RAPGEF6: variants seen among roughly 807,000 people sequenced by gnomAD.
RAPGEF6 encodes Rap guanine nucleotide exchange factor 6, also known as PDZ domain containing guanine nucleotide exchange factor (GEF) 2.
RAPGEF6 carries 56 observed loss-of-function variants against 171.4 expected under a neutral mutation model. The ratio of observed to expected loss-of-function variants is 0.33; its 90% confidence interval spans 0.26 to 0.41. The LOEUF (loss-of-function observed/expected upper bound fraction) is 0.41, where lower values mean the gene tolerates loss of function less well. Ranked by LOEUF, RAPGEF6 falls within the 10% of genes least tolerant of loss-of-function variation. The pLI is 1.00. For missense variants in RAPGEF6, 1,674 were observed against 1,921.4 expected (o/e 0.87, Z 2.41); for synonymous variants, 692 against 650.1 (o/e 1.06, Z -0.98).
At chr5:131,602,384 T>C (rs1178993298) in intron 3 of RAPGEF6, among the ~76,000 whole-genome samples, 2 of 152,168 alleles carry the variant, frequency 1.3e-5, no homozygotes, top group Non-Finnish European at 2.9e-5. Flanking sequence ...ATTTTATTCC[T>C]AGGAATATCC....
chr5:131,483,399 T>G (rs77349571), intron 15 of RAPGEF6, among the ~76,000 whole-genome samples: 1 of 149,430 alleles, frequency 6.7e-6, no homozygotes, highest in Admixed American at 6.7e-5. Flanking sequence ...GAGTATGTAA[T>G]TATAAGCAAA....
Position 131,492,705 on chromosome 5 carries a change from A to C in RAPGEF6, c.1608T>G (p.Ala536=), listed in dbSNP as rs371508339. 15 of 1,614,018 alleles carry C rather than the reference A, an allele frequency of 9.3e-6. No individual in the cohort carries two copies. In the African/African-American group the frequency reaches 1.3e-4, roughly 14 times the overall value. The change falls in exon 14 of 28, where the codon GCT becomes GCG. Residue 536 remains alanine (A), a synonymous_variant. Coordinates refer to ENST00000509018, the MANE Select transcript of RAPGEF6 (RefSeq NM_016340.6). ...AKWRQVVLQK[A]SRESPLQFSL... ...TGAATTGTAGAGGGGACTCGCGGGA[A>C]GCCTTTTGCAGCACAACCTGTCTCC... is the stretch of plus-strand genomic sequence containing the variant.
At chr5:131,604,583 G>A (rs560800804) in intron 2 of RAPGEF6, 40 bp downstream of exon 2, 1 of 1,594,328 alleles carries the variant, frequency 6.3e-7, no homozygotes, top group Admixed American at 1.7e-5. Context: ...TGAATGAATG[G>A]CTATACAGCG....
chr5:131,595,065 A>G (rs187302301), intron 3 of RAPGEF6, among the ~76,000 whole-genome samples: 1 of 152,296 alleles, frequency 6.6e-6, no homozygotes, highest in East Asian at 1.9e-4. Context: ...TGAGAAGGAC[A>G]TGAGATTTGG....
intron 7 of RAPGEF6, among the ~76,000 whole-genome samples, chr5:131,520,176 T>G (rs1284260864): frequency 2.6e-5 from 4 of 152,224 alleles, no homozygotes; most frequent in Non-Finnish European, 5.9e-5. Flanking sequence ...TATCTCAATC[T>G]GGGTAACTTT....
In RAPGEF6 at chr5:131,442,377, C is replaced by T. The variant is rs1317091645; in HGVS notation, c.3582G>A (p.Lys1194=). Residue 1194 remains lysine, a synonymous_variant, in exon 23 of 28, where the codon AAG becomes AAA. Coordinates refer to ENST00000509018, the MANE Select transcript of RAPGEF6 (RefSeq NM_016340.6). ...VPAVNLHPIR[K]KGQTKDPALN... ...GTGCAGGGTCTTTTGTTTGTCCCTT[C>T]TTCCTGATGGGGTGCAAATTAACAG... 6.2e-6 allele frequency: 10 copies of T among 1,614,122 alleles called. No homozygotes were observed. Among genetic ancestry groups the T allele is most frequent in the Non-Finnish European group, 8.5e-6 (10 of 1,179,994 alleles).
chr5:131,629,249 G>T (rs1320526802), intron 1 of RAPGEF6, among the ~76,000 whole-genome samples: 1 of 152,136 alleles, frequency 6.6e-6, no homozygotes, highest in East Asian at 1.9e-4. Context: ...GGAGGCTGAG[G>T]TGGGAGGATC....
intron 5 of RAPGEF6, among the ~76,000 whole-genome samples, chr5:131,556,206 G>A (rs1053626748): frequency 1.1e-4 from 16 of 152,178 alleles, no homozygotes; most frequent in Middle Eastern, 3.2e-3. Flanking sequence ...TCGGGAGGCC[G>A]AGGTGGGTGG....
At chr5:131,494,744 A>G (rs1229522690) in intron 13 of RAPGEF6, among the ~76,000 whole-genome samples, 5 of 149,328 alleles carry the variant, frequency 3.3e-5, no homozygotes, top group Non-Finnish European at 7.4e-5. Context: ...AGAAACTAGA[A>G]CTAGGGTCAG....
At chr5:131,457,776 T>C (rs989583596) in intron 19 of RAPGEF6, among the ~76,000 whole-genome samples, 1 of 152,132 alleles carries the variant, frequency 6.6e-6, no homozygotes, top group Non-Finnish European at 1.5e-5. Flanking sequence ...ATGGAACGAA[T>C]GCCCCACAGA....
chr5:131,513,196 G>T (rs1205217748), intron 7 of RAPGEF6, among the ~76,000 whole-genome samples: 1 of 152,074 alleles, frequency 6.6e-6, no homozygotes, highest in African/African-American at 2.4e-5. Flanking sequence ...ATTTAAATAT[G>T]TGTACATGCT....
At chr5:131,436,365 A>G in intron 24 of RAPGEF6, 1 of 1,537,662 alleles carries the variant, frequency 6.5e-7, no homozygotes, top group South Asian at 1.2e-5. Flanking sequence ...TGCTGTGATC[A>G]GATATGATAC....
chr5:131,486,791 G>A (rs564973887), intron 15 of RAPGEF6, among the ~76,000 whole-genome samples: 3 of 148,132 alleles, frequency 2.0e-5, no homozygotes, highest in East Asian at 2.0e-4. Flanking sequence ...GTGCAGTGGC[G>A]CAATCTCGGC....
chr5:131,548,220 A>G (rs747809917), intron 5 of RAPGEF6, 30 bp from the exon 6 acceptor site: 2 of 1,608,004 alleles, frequency 1.2e-6, no homozygotes, highest in South Asian at 2.2e-5. Flanking sequence ...TCCTGATGAA[A>G]TATCAAATTT....
chr5:131,501,940 T>C (rs928240004), intron 11 of RAPGEF6, among the ~76,000 whole-genome samples: 3 of 152,172 alleles, frequency 2.0e-5, no homozygotes, highest in Non-Finnish European at 4.4e-5. Context: ...CTAAAAGCAA[T>C]GACACTTCAG....
intron 4 of RAPGEF6, among the ~76,000 whole-genome samples, chr5:131,585,308 A>C (rs1763188255): frequency 1.4e-5 from 2 of 145,610 alleles, no homozygotes; most frequent in Non-Finnish European, 2.9e-5. Context: ...ATACATACAT[A>C]CATACATACA....
chr5:131,601,989 T>C (rs1369940203), intron 3 of RAPGEF6, among the ~76,000 whole-genome samples: 1 of 149,350 alleles, frequency 6.7e-6, no homozygotes, highest in African/African-American at 2.5e-5. Context: ...GAGCTGAGAT[T>C]GTGCCAGTGT....
At chr5:131,439,482 TTAA>T in intron 24 of RAPGEF6, 96 bp downstream of exon 24, 1 of 1,452,158 alleles carries the variant, frequency 6.9e-7, no homozygotes, top group Non-Finnish European at 9.1e-7. Flanking sequence ...TATGCTTTTC[TTAA>T]TGATTTATAA....
At chr5:131,611,689 T>G (rs553552502) in intron 1 of RAPGEF6, among the ~76,000 whole-genome samples, 11 of 152,336 alleles carry the variant, frequency 7.2e-5, no homozygotes, top group African/African-American at 2.6e-4. Context: ...AGTCATTTTT[T>G]AAACTAGAGG....
Sources: allele counts gnomAD v4.1 joint callset (sites outside exome capture counted in the v4.1 genomes callset), GRCh38; gene constraint gnomAD v4.1.1; transcripts MANE v1.5; gene names NCBI Gene and HGNC (gene_info 2026-07-23, HGNC 2026-07-21).